The following DAB2IP variants were observed in gnomAD, a reference collection of about 807,000 sequenced individuals.
DAB2IP encodes the protein disabled homolog 2-interacting protein.
Under a neutral mutation model 107.2 loss-of-function variants are expected in DAB2IP, and 28 were observed. That is an observed-to-expected ratio of 0.26 (90% CI 0.19 to 0.36). The LOEUF (loss-of-function observed/expected upper bound fraction) is 0.36, where lower values mean the gene tolerates loss of function less well. Ranked by LOEUF, DAB2IP falls within the 10% of genes least tolerant of loss-of-function variation. The probability of loss-of-function intolerance (pLI) is 1.00; values close to 1 mark genes in which losing one functional copy is unlikely to be tolerated. For synonymous variants in DAB2IP, 755 were observed against 706.4 expected, an observed-to-expected ratio of 1.07 and a Z score of -1.09; for missense variants, 1,400 against 1,644.7, an observed-to-expected ratio of 0.85 and a Z score of 2.57.
At chr9:121,573,323 C>T (rs1020742465) in intron 1 of DAB2IP, among the ~76,000 whole-genome samples, 2 of 152,052 alleles carry the variant, frequency 1.3e-5, no homozygotes, top group African/African-American at 2.4e-5. Flanking sequence ...GTGATCCACC[C>T]GCCTTGGCCT....
In DAB2IP at chr9:121,701,154, G is replaced by A. The variant is rs980878543; in HGVS notation, c.362+1696G>A. 6.6e-6 allele frequency among the ~76,000 whole-genome samples: 1 copy of A among 152,230 alleles called. No individual in the cohort carries two copies. The highest frequency in any genetic ancestry group is 1.5e-5 in the Non-Finnish European group (1 of 68,036). ...TGTGTGCATGTGGTGGTTGTCCGGG[G>A]AGCAGGAGAGACAACAGGCAGTCCG... is the stretch of plus-strand genomic sequence containing the variant. On this transcript the variant is annotated intron_variant, in intron 3 of 15. Coordinates refer to ENST00000408936, the Ensembl canonical transcript of DAB2IP. The surrounding 1 kb of genome is among the most constrained non-coding windows in gnomAD (Gnocchi z 4.7).
chr9:121,594,109 A>G (rs958899684), intron 1 of DAB2IP, among the ~76,000 whole-genome samples: 2 of 152,152 alleles, frequency 1.3e-5, no homozygotes, highest in Admixed American at 1.3e-4. Flanking sequence ...GAATCTTTAT[A>G]ATAACCCTTG....
At position 121,742,156 on chromosome 9, in the gene DAB2IP, G is replaced by A. The variant is rs150639744; in HGVS notation, c.363-14857G>A. ...AAGATAGCCACACTGGGCAGGGCAC[G>A]GTGGCTCATGCCTATAATCCCAGCA... On this transcript the variant is annotated intron_variant, in intron 3 of 15. Coordinates refer to ENST00000408936, the Ensembl canonical transcript of DAB2IP. 9.2e-5 allele frequency among the ~76,000 whole-genome samples: 14 copies of A among 152,272 alleles called. No individual in the cohort carries two copies. The East Asian group carries it at 1.7e-3, about 19-fold the overall frequency.
intron 1 of DAB2IP, chr9:121,576,072 C>T (rs1209288738): frequency 6.6e-6 from 1 of 152,552 alleles, no homozygotes; most frequent in Non-Finnish European, 1.5e-5. Context: ...GGCCAGGCCT[C>T]ACCTTGGACA....
At chr9:121,707,381 T>C (rs1458224234) in intron 3 of DAB2IP, among the ~76,000 whole-genome samples, 1 of 152,200 alleles carries the variant, frequency 6.6e-6, no homozygotes, top group Admixed American at 6.5e-5. Context: ...AGTGGTACAT[T>C]ACTGCATCAG....
chr9:121,746,203 G>A (rs1047835761), intron 3 of DAB2IP, among the ~76,000 whole-genome samples: 4 of 152,132 alleles, frequency 2.6e-5, no homozygotes, highest in Non-Finnish European at 5.9e-5. Context: ...TGCGGGAAGG[G>A]ACAGAATGCC....
At chr9:121,765,630 T>G (rs1287650491) in intron 8 of DAB2IP, among the ~76,000 whole-genome samples, 1 of 152,212 alleles carries the variant, frequency 6.6e-6, no homozygotes, top group Non-Finnish European at 1.5e-5. Flanking sequence ...GGCTAGGGCC[T>G]TGGTCAGATC....
Position 121,776,368 on chromosome 9 carries a change from C to T in DAB2IP, c.3291C>T (p.Ile1097=). The T allele has an allele frequency of 6.5e-7, 1 of 1,547,836 alleles. No individual in the cohort carries two copies. Among genetic ancestry groups the T allele is most frequent in the South Asian group, 1.2e-5 (1 of 83,520 alleles). Residue 1097 remains isoleucine (I), a synonymous_variant, in exon 14 of 16, where the codon ATC becomes ATT. Transcript: ENST00000408936. This position sits in a 1 kb window ranked among gnomAD's most constrained non-coding sequence, Gnocchi z 5.4. ...GGCGGCAGCAGGAGGACAAGGACAT[C>T]CAGATGAAGGGCATCATCAGCAGGT... is the stretch of plus-strand genomic sequence containing the variant.
At chr9:121,761,986 C>G (rs920327381) in intron 6 of DAB2IP, among the ~76,000 whole-genome samples, 9 of 152,186 alleles carry the variant, frequency 5.9e-5, no homozygotes, top group Middle Eastern at 3.4e-3. Context: ...TCCAGGTGCT[C>G]GTGGAGGGAG....
At chr9:121,752,529 A>C (rs1291579491) in intron 3 of DAB2IP, among the ~76,000 whole-genome samples, 1 of 152,216 alleles carries the variant, frequency 6.6e-6, no homozygotes, top group Non-Finnish European at 1.5e-5. Flanking sequence ...GAGCCCAGGA[A>C]GGCTTCAGGG....
In DAB2IP at chr9:121,776,167, G is replaced by A; in HGVS notation, c.3121-31G>A. 1 of 1,555,556 alleles carries A rather than the reference G, an allele frequency of 6.4e-7. No individual in the cohort carries two copies. Among genetic ancestry groups the A allele is most frequent in the Non-Finnish European group, 8.7e-7 (1 of 1,149,346 alleles). ...AAGCTGTGCTCTCTGTGTCCTGGGT[G>A]CTGTGCCCGTGGACGCTGCCCTCCT... On this transcript the variant is annotated intron_variant, in intron 13 of 15. Transcript: ENST00000408936. This position sits in a 1 kb window ranked among gnomAD's most constrained non-coding sequence, Gnocchi z 5.4.
chr9:121,660,606 G>C (rs1024325304), intron 1 of DAB2IP, among the ~76,000 whole-genome samples: 1 of 152,182 alleles, frequency 6.6e-6, no homozygotes, highest in Non-Finnish European at 1.5e-5. Context: ...CTGAGGGCCA[G>C]TGCTGGGCTC....
chr9:121,573,258 G>A (rs529935944), intron 1 of DAB2IP, among the ~76,000 whole-genome samples: 1 of 151,700 alleles, frequency 6.6e-6, no homozygotes, highest in South Asian at 2.1e-4. Flanking sequence ...GAATTTTTTG[G>A]TAGAGGCGGG....
Position 121,702,371 on chromosome 9 carries a change from G to C in DAB2IP, c.362+2913G>C, listed in dbSNP as rs988460137. Among the ~76,000 whole-genome samples the C allele has an allele frequency of 6.6e-6, 1 of 152,180 alleles. No homozygotes were observed. Among genetic ancestry groups the C allele is most frequent in the African/African-American group, 2.4e-5 (1 of 41,426 alleles). ...GGTTGTGAGGCTGGGGTCAGGCCAG[G>C]CAGTGCTTGGTTGGCACAGCTGGGC... On this transcript the variant is annotated intron_variant, in intron 3 of 15. Transcript: ENST00000408936. The surrounding 1 kb of genome is among the most constrained non-coding windows in gnomAD (Gnocchi z 4.5).
At chr9:121,695,591 C>T (rs1024302200) in intron 2 of DAB2IP, among the ~76,000 whole-genome samples, 1 of 152,150 alleles carries the variant, frequency 6.6e-6, no homozygotes, top group Admixed American at 6.5e-5. Flanking sequence ...GGTCAGCAAG[C>T]GTGGGCTCCT....
intron 3 of DAB2IP, among the ~76,000 whole-genome samples, chr9:121,711,154 C>T (rs1830318803): frequency 6.6e-6 from 1 of 152,180 alleles, no homozygotes; most frequent in African/African-American, 2.4e-5. Flanking sequence ...CGTACCTCTG[C>T]TGCTTATTGT....
chr9:121,708,375 T>G (rs1830163036), intron 3 of DAB2IP, among the ~76,000 whole-genome samples: 1 of 152,218 alleles, frequency 6.6e-6, no homozygotes, highest in East Asian at 1.9e-4. Flanking sequence ...CTGTGATGCC[T>G]TTTGAAATAA....
chr9:121,652,635 C>T (rs968411594), intron 1 of DAB2IP, among the ~76,000 whole-genome samples: 2 of 152,058 alleles, frequency 1.3e-5, no homozygotes, highest in East Asian at 1.9e-4. Flanking sequence ...GGTTCAGGCC[C>T]ACCGAGGGTG....
intron 1 of DAB2IP, among the ~76,000 whole-genome samples, chr9:121,632,177 C>T (rs181037599): frequency 2.6e-5 from 4 of 152,268 alleles, no homozygotes; most frequent in African/African-American, 2.4e-5. Flanking sequence ...TGGCCTCGGG[C>T]GTGTTTGTTA....
Sources: allele counts gnomAD v4.1 joint callset (sites outside exome capture counted in the v4.1 genomes callset), GRCh38; gene constraint gnomAD v4.1.1; non-coding constraint Gnocchi (gnomAD v3.1); transcripts MANE v1.5; gene names NCBI Gene and HGNC (gene_info 2026-07-23, HGNC 2026-07-21).